Variants in AFAP1 observed in about 807,000 individuals in gnomAD.
AFAP1 encodes actin filament associated protein 1.
Under a neutral mutation model 93.9 loss-of-function variants are expected in AFAP1, and 75 were observed. That is an observed-to-expected ratio of 0.80 (90% CI 0.66 to 0.97). The LOEUF is 0.97. Among genes scored for constraint, AFAP1 ranks in the 50% least tolerant of loss-of-function variants. AFAP1 has a pLI of 0.00. For missense variants in AFAP1, 1,201 were observed against 1,050.8 expected (o/e 1.14, Z -1.98); for synonymous variants, 517 against 430.7 (o/e 1.20, Z -2.48).
At chr4:7,834,128 C>CACACACACACACACACACACACAT (rs756961714) in intron 6 of AFAP1, among the ~76,000 whole-genome samples, 23 of 119,484 alleles carry the variant, frequency 1.9e-4, no homozygotes, top group African/African-American at 4.3e-4. Context: ...CACACACACA[C>CACACACACACACACACACACACAT]ATATATACAA....
intron 1 of AFAP1, among the ~76,000 whole-genome samples, chr4:7,919,965 G>T (rs938968282): frequency 6.6e-6 from 1 of 152,144 alleles, no homozygotes; most frequent in African/African-American, 2.4e-5. Context: ...TCCCTGCAAA[G>T]GACATGATCT....
intron 1 of AFAP1, among the ~76,000 whole-genome samples, chr4:7,935,992 C>T (rs1328489772): frequency 6.6e-6 from 1 of 152,128 alleles, no homozygotes; most frequent in Non-Finnish European, 1.5e-5. Flanking sequence ...AAAATCTGGT[C>T]GCGTTTTGAA....
chr4:7,765,704 C>G (rs528701566), intron 17 of AFAP1, among the ~76,000 whole-genome samples: 21 of 152,338 alleles, frequency 1.4e-4, no homozygotes, highest in African/African-American at 5.1e-4. Flanking sequence ...GCCCTTGGTT[C>G]CCTGGCATGG....
intron 1 of AFAP1, among the ~76,000 whole-genome samples, chr4:7,902,527 GT>G (rs1170173089): frequency 6.6e-6 from 1 of 152,124 alleles, no homozygotes; most frequent in Non-Finnish European, 1.5e-5. Context: ...TTGTTCTAAA[GT>G]TGCTGTTTCC....
chr4:7,800,186 G>A (rs1243829634), intron 10 of AFAP1, among the ~76,000 whole-genome samples: 1 of 152,240 alleles, frequency 6.6e-6, no homozygotes, highest in East Asian at 1.9e-4. Flanking sequence ...AAGGAGGCAA[G>A]TCAATCTGAT....
Position 7,909,070 on chromosome 4 carries a change from C to T in AFAP1, c.-3+30586G>A, listed in dbSNP as rs529588765. 7.2e-5 allele frequency among the ~76,000 whole-genome samples: 11 copies of T among 152,232 alleles called. No individual in the cohort carries two copies. The South Asian group carries it at 8.3e-4, about 11-fold the overall frequency. The stretch of plus-strand genomic sequence containing the variant: ...CTTAAAACTAAAGTAGTCTTTGGTT[C>T]GAGGGGTAAGGGTATACTACCTTTT... On this transcript the variant is annotated intron_variant, in intron 1 of 17. Transcript: ENST00000420658.
At chr4:7,928,850 G>A (rs542112602) in intron 1 of AFAP1, among the ~76,000 whole-genome samples, 5 of 152,332 alleles carry the variant, frequency 3.3e-5, no homozygotes, top group Admixed American at 3.3e-4. Context: ...TACATGAGGG[G>A]CACAGAGAAA....
intron 1 of AFAP1, among the ~76,000 whole-genome samples, chr4:7,902,036 G>A (rs9654093): frequency 6.6e-6 from 1 of 152,056 alleles, no homozygotes; most frequent in Non-Finnish European, 1.5e-5. Flanking sequence ...AAACACAATA[G>A]AGAAGACAAC....
chr4:7,798,464 ATTGCAACTCTATTGGCTGGCTCACG>A (rs1489584669), intron 10 of AFAP1, among the ~76,000 whole-genome samples: 4 of 110,932 alleles, frequency 3.6e-5, no homozygotes, highest in African/African-American at 1.0e-4. Flanking sequence ...GGCTCACGGC[ATTGCAACTCTATTGGCTGGCTCACG>A]GCATTTCACC....
chr4:7,880,977 T>C lies in AFAP1; in HGVS notation c.-2-8897A>G, dbSNP rs115378917. Among the ~76,000 whole-genome samples the C allele has an allele frequency of 1.4e-3, 218 of 152,302 alleles. 2 individuals carry two copies. The highest frequency in any genetic ancestry group is 5.1e-3 in the African/African-American group (214 of 41,560). On this transcript the variant is annotated intron_variant, in intron 1 of 17. Transcript: ENST00000420658. ...TGCAAAACACCTATTGCTATTTGCA[T>C]CCTGAATTACACTCAAGGGCCTTGC...
rs1326787780 is a variant in AFAP1 at position 7,758,770 on chromosome 4, G to A, written c.*4995C>T. 6.6e-6 allele frequency: 1 copy of A among 152,328 alleles called. No homozygotes were observed. Among genetic ancestry groups the A allele is most frequent in the East Asian group, 1.9e-4 (1 of 5,184 alleles). 9.4% of individuals were successfully genotyped at this position (152,328 alleles called of 1,614,324 possible). A position where few individuals can be genotyped will look rare whatever the true frequency, so the allele number is the denominator to read the frequency against. ...GGCACGCCAAGGGCGCCAGTCTAGG[G>A]TTACACCACGTGAAACAGTAGAAAA... On this transcript the variant is annotated 3_prime_UTR_variant, in exon 18 of 18. Coordinates refer to ENST00000420658, the MANE Select transcript of AFAP1 (RefSeq NM_001134647.2).
At chr4:7,834,358 A>G (rs911006333) in intron 6 of AFAP1, among the ~76,000 whole-genome samples, 3 of 152,182 alleles carry the variant, frequency 2.0e-5, no homozygotes, top group Non-Finnish European at 2.9e-5. Context: ...GGATTCAGGG[A>G]AAAAGGGTGG....
At chr4:7,899,546 C>T (rs1272036426) in intron 1 of AFAP1, among the ~76,000 whole-genome samples, 3 of 152,160 alleles carry the variant, frequency 2.0e-5, no homozygotes, top group South Asian at 2.1e-4. Context: ...TAAGAAGCTC[C>T]GCTTATATAA....
chr4:7,938,164 C>T (rs185379188), intron 1 of AFAP1, among the ~76,000 whole-genome samples: 7 of 151,790 alleles, frequency 4.6e-5, no homozygotes, highest in African/African-American at 1.7e-4. Context: ...GGAGGTGCGG[C>T]GTAGAGTGGG....
At chr4:7,811,064 G>A (rs1360896489) in intron 8 of AFAP1, among the ~76,000 whole-genome samples, 1 of 152,216 alleles carries the variant, frequency 6.6e-6, no homozygotes, top group African/African-American at 2.4e-5. Flanking sequence ...TGAGCTGTCT[G>A]CCCGTCTCAT....
At chr4:7,783,781 AG>A (rs1405012334) in intron 12 of AFAP1, among the ~76,000 whole-genome samples, 1 of 152,230 alleles carries the variant, frequency 6.6e-6, no homozygotes, top group East Asian at 1.9e-4. Flanking sequence ...CACAGGGTGA[AG>A]ACAGCATCCG....
In AFAP1 at chr4:7,879,066, T is replaced by C. The variant is rs1717687269; in HGVS notation, c.-2-6986A>G. 2.6e-5 allele frequency among the ~76,000 whole-genome samples: 4 copies of C among 152,334 alleles called. No homozygotes were observed. In the South Asian group the frequency reaches 6.2e-4, roughly 24 times the overall value. On this transcript the variant is annotated intron_variant, in intron 1 of 17. Transcript: ENST00000420658. Reference sequence around the variant, plus strand: ...GTTCTTACACTAAAAAATGAAATCTTTGAATTGGAAGAACAGCTGTAGATA... The same window carrying C: ...GTTCTTACACTAAAAAATGAAATCTCTGAATTGGAAGAACAGCTGTAGATA...
chr4:7,887,761 G>A (rs1215584555), intron 1 of AFAP1, among the ~76,000 whole-genome samples: 1 of 152,038 alleles, frequency 6.6e-6, no homozygotes, highest in Non-Finnish European at 1.5e-5. Flanking sequence ...TCTTTCTTCT[G>A]GCTTAGTACG....
chr4:7,798,840 C>T (rs1718744004), intron 10 of AFAP1: 2 of 975,486 alleles, frequency 2.1e-6, no homozygotes, highest in Non-Finnish European at 2.4e-6. Flanking sequence ...CCCCACCGCA[C>T]CCCGAGCTTC....
Sources: allele counts gnomAD v4.1 joint callset (sites outside exome capture counted in the v4.1 genomes callset), GRCh38; gene constraint gnomAD v4.1.1; transcripts MANE v1.5; gene names NCBI Gene and HGNC (gene_info 2026-07-23, HGNC 2026-07-21).